The following NTM variants were observed in gnomAD, a reference collection of about 807,000 sequenced individuals.
NTM encodes the protein IgLON family member 2.
NTM carries 13 observed loss-of-function variants against 42.1 expected under a neutral mutation model. That is an observed-to-expected ratio of 0.31 (90% confidence interval 0.20 to 0.49). NTM has a LOEUF of 0.49. Among genes scored for constraint, NTM ranks in the 20% least tolerant of loss-of-function variants. The pLI is 0.99. For synonymous variants in NTM, 187 were observed against 179.2 expected, an observed-to-expected ratio of 1.04 and a Z score of -0.35; for missense variants, 373 against 452.8, an observed-to-expected ratio of 0.82 and a Z score of 1.60.
At chr11:132,048,041 C>T (rs2078263942) in intron 2 of NTM, among the ~76,000 whole-genome samples, 1 of 151,834 alleles carries the variant, frequency 6.6e-6, no homozygotes. Context: ...TGCGTGTGTA[C>T]ATGGGCTCAT....
intron 7 of NTM, among the ~76,000 whole-genome samples, chr11:132,315,708 G>A (rs927461116): frequency 1.3e-5 from 2 of 152,052 alleles, no homozygotes; most frequent in African/African-American, 4.8e-5. Flanking sequence ...TCTGAATCAC[G>A]AGCCTGCACT....
intron 1 of NTM, among the ~76,000 whole-genome samples, chr11:131,650,687 A>G (rs1383703098): frequency 2.6e-5 from 4 of 152,208 alleles, no homozygotes; most frequent in African/African-American, 9.7e-5. Context: ...ATATAGGAAC[A>G]GTAATTTACT....
At chr11:132,126,090 G>T (rs2065791962) in intron 2 of NTM, among the ~76,000 whole-genome samples, 1 of 152,068 alleles carries the variant, frequency 6.6e-6, no homozygotes, top group African/African-American at 2.4e-5. Flanking sequence ...GAGACTGAGT[G>T]GGCGCAAGGG....
chr11:131,676,575 G>A (rs898504197), intron 1 of NTM, among the ~76,000 whole-genome samples: 6 of 152,302 alleles, frequency 3.9e-5, no homozygotes, highest in African/African-American at 1.4e-4. Context: ...TTTATCAGAC[G>A]ACCTTCACAA....
At chr11:132,312,942 C>A (rs1010993159) in intron 6 of NTM, among the ~76,000 whole-genome samples, 2 of 152,132 alleles carry the variant, frequency 1.3e-5, no homozygotes, top group African/African-American at 2.4e-5. Context: ...TTGCCCCTAG[C>A]GTTTGGAGAG....
chr11:131,473,808 T>C (rs1204361656), intron 1 of NTM, among the ~76,000 whole-genome samples: 1 of 152,182 alleles, frequency 6.6e-6, no homozygotes, highest in Non-Finnish European at 1.5e-5. Context: ...GAGGATGAGG[T>C]AGCCCTCTCC....
chr11:131,586,506 A>G (rs2458792), intron 1 of NTM, among the ~76,000 whole-genome samples: 30,216 of 152,028 alleles, frequency 0.2, 5,118 homozygotes, highest in African/African-American at 0.47. Context: ...GTTAATGGTC[A>G]TATGAGTGAG....
In NTM at chr11:131,681,144, TCC is replaced by T. The variant is rs2072670322; in HGVS notation, c.83-230418_83-230417del. 3.4e-5 allele frequency among the ~76,000 whole-genome samples: 2 copies of T among 58,960 alleles called. 1 individual carries two copies. The highest frequency in any genetic ancestry group is 9.0e-5 in the African/African-American group (2 of 22,198). The allele number at this position is 58,960 out of a possible 152,430, so 38.7% of individuals were successfully genotyped here. A position where few individuals can be genotyped will look rare whatever the true frequency, so the allele number is the denominator to read the frequency against. On this transcript the variant is annotated intron_variant, in intron 1 of 8. Coordinates refer to ENST00000683400, the MANE Select transcript of NTM (RefSeq NM_001352005.2). Reference sequence around the variant, plus strand: ...GTGTGTGTTTCTGTGTATGTATGTTTCCCTGTGTGTGTGAGCATGTGTGTTTC... The same window carrying T: ...GTGTGTGTTTCTGTGTATGTATGTTTCTGTGTGTGTGAGCATGTGTGTTTC...
chr11:131,591,416 G>A (rs1357527837), intron 1 of NTM, among the ~76,000 whole-genome samples: 1 of 152,210 alleles, frequency 6.6e-6, no homozygotes, highest in African/African-American at 2.4e-5. Flanking sequence ...ACAGTCCATG[G>A]AGCTGAGCTG....
At chr11:131,531,080 G>A (rs1274907503) in intron 1 of NTM, among the ~76,000 whole-genome samples, 1 of 152,202 alleles carries the variant, frequency 6.6e-6, no homozygotes, top group Non-Finnish European at 1.5e-5. Flanking sequence ...AGATGAGAAA[G>A]CTGAGGCTTT....
At chr11:132,169,599 G>A (rs755899879) in intron 3 of NTM, among the ~76,000 whole-genome samples, 1 of 151,890 alleles carries the variant, frequency 6.6e-6, no homozygotes, top group Non-Finnish European at 1.5e-5. Context: ...CTCCCAAAGT[G>A]CTGGGATTAC....
At chr11:132,031,939 C>T (rs2075977537) in intron 2 of NTM, among the ~76,000 whole-genome samples, 2 of 151,610 alleles carry the variant, frequency 1.3e-5, no homozygotes, top group Non-Finnish European at 2.9e-5. Context: ...AATCTTTCTC[C>T]TTCTCTATCT....
At chr11:132,248,334 T>C (rs1300648821) in intron 4 of NTM, among the ~76,000 whole-genome samples, 1 of 152,196 alleles carries the variant, frequency 6.6e-6, no homozygotes, top group East Asian at 1.9e-4. Context: ...TTCCTCTCTC[T>C]CTTTTATTTT....
At chr11:132,131,110 T>C (rs1453847493) in intron 2 of NTM, among the ~76,000 whole-genome samples, 1 of 152,250 alleles carries the variant, frequency 6.6e-6, no homozygotes, top group Non-Finnish European at 1.5e-5. Flanking sequence ...GCATTCTCCG[T>C]TCTCATTTTG....
intron 1 of NTM, among the ~76,000 whole-genome samples, chr11:131,405,468 C>T (rs917856392): frequency 6.6e-6 from 1 of 152,150 alleles, no homozygotes; most frequent in African/African-American, 2.4e-5. Flanking sequence ...CCTTCCCTTT[C>T]CTTCACCCTT....
chr11:131,834,304 C>G (rs963248705), intron 1 of NTM, among the ~76,000 whole-genome samples: 5 of 152,142 alleles, frequency 3.3e-5, no homozygotes, highest in African/African-American at 1.2e-4. Context: ...CCACTCCCTT[C>G]CACATCTATG....
At chr11:132,314,957 G>A in intron 7 of NTM, 1 of 1,200,278 alleles carries the variant, frequency 8.3e-7, no homozygotes, top group Non-Finnish European at 1.0e-6. Flanking sequence ...TATAGTACAT[G>A]TATAAAAGTA....
At chr11:131,572,477 G>T (rs1200977123) in intron 1 of NTM, among the ~76,000 whole-genome samples, 2 of 152,084 alleles carry the variant, frequency 1.3e-5, no homozygotes, top group African/African-American at 4.8e-5. Flanking sequence ...CCCCATCCCT[G>T]CTTCCTTCCC....
intron 4 of NTM, among the ~76,000 whole-genome samples, chr11:132,304,641 A>G (rs545695559): frequency 8.9e-4 from 135 of 152,350 alleles, no homozygotes; most frequent in African/African-American, 3.0e-3. Flanking sequence ...TAAACTGACC[A>G]ACTTTCTCTC....
Sources: allele counts gnomAD v4.1 joint callset (sites outside exome capture counted in the v4.1 genomes callset), GRCh38; gene constraint gnomAD v4.1.1; transcripts MANE v1.5; gene names NCBI Gene and HGNC (gene_info 2026-07-23, HGNC 2026-07-21).